GRM4: variants seen among roughly 807,000 people sequenced by gnomAD.
GRM4 encodes the protein metabotropic glutamate receptor 4.
GRM4 carries 28 observed loss-of-function variants against 81.7 expected under a neutral mutation model. The observed-to-expected ratio is 0.34, with a 90% CI of 0.25 to 0.47. GRM4 has a LOEUF of 0.47. GRM4 is among the 20% of genes least tolerant of loss of function. The pLI is 1.00. For missense variants in GRM4, 948 were observed against 1,290.0 expected, an observed-to-expected ratio of 0.73 and a Z score of 4.06; for synonymous variants, 488 against 528.8, an observed-to-expected ratio of 0.92 and a Z score of 1.06.
intron 3 of GRM4, among the ~76,000 whole-genome samples, chr6:34,085,835 G>A (rs1174612446): frequency 6.6e-6 from 1 of 152,314 alleles, no homozygotes; most frequent in South Asian, 2.1e-4. Context: ...GGAGGCAGGG[G>A]CTGTTTCAGA....
In GRM4 at chr6:34,035,658, C is replaced by A; in HGVS notation, c.2442+10G>T. On this transcript the variant is annotated intron_variant, in intron 9 of 10. Coordinates refer to ENST00000538487, the MANE Select transcript of GRM4 (RefSeq NM_000841.4). This position sits in a 1 kb window ranked among gnomAD's most constrained non-coding sequence, Gnocchi z 6.6. ...CTACCCACCGTCCACCCCCGGCCCC[C>A]ACCACTCACCTTGTCGGCCGACTGC... The A allele has an allele frequency of 6.5e-7, 1 of 1,545,146 alleles. No individual in the cohort carries two copies. Among genetic ancestry groups the A allele is most frequent in the South Asian group, 1.2e-5 (1 of 82,588 alleles).
chr6:34,066,559 C>T (rs1766476582), intron 3 of GRM4, among the ~76,000 whole-genome samples: 1 of 151,892 alleles, frequency 6.6e-6, no homozygotes, highest in Admixed American at 6.6e-5. Flanking sequence ...TTGTTTTCAT[C>T]ACACTCTTCC....
chr6:34,062,023 C>T lies in GRM4; in HGVS notation c.742G>A (p.Val248Met), dbSNP rs144674222. ...FIQKSREDGG[V>M]CIAQSVKIPR... Reference sequence around the variant, plus strand: ...ATCTTCACCGACTGGGCGATGCACACGCCCCCTGCAGGAGGGGCACCAGTT... The same window carrying T: ...ATCTTCACCGACTGGGCGATGCACATGCCCCCTGCAGGAGGGGCACCAGTT... Residue 248 changes from valine (V) to methionine (M), a missense_variant, in exon 4 of 11, where the codon GTG (valine) becomes ATG (methionine). Transcript: ENST00000538487. 104 of 1,609,348 alleles carry T rather than the reference C, an allele frequency of 6.5e-5. No individual in the cohort carries two copies. The highest frequency in any genetic ancestry group is 5.6e-4 in the South Asian group (51 of 90,632).
chr6:34,028,010 G>T, intron 10 of GRM4, 110 bp downstream of exon 10: 2 of 1,252,106 alleles, frequency 1.6e-6, no homozygotes, highest in African/African-American at 1.5e-5. Flanking sequence ...GCCTCCCCAG[G>T]ATGGGGCATC....
Position 34,152,823 on chromosome 6 carries a change from A to T in GRM4, c.312+2256T>A, listed in dbSNP as rs182574820. Among the ~76,000 whole-genome samples the T allele has an allele frequency of 5.5e-3, 839 of 152,032 alleles. 8 individuals are homozygous for T. Among genetic ancestry groups the T allele is most frequent in the African/African-American group, 0.015 (627 of 41,528 alleles). The stretch of plus-strand genomic sequence containing the variant: ...GGGTATGAGGCCCCCACAATGGAAG[A>T]CAAGGGGGACAGGCAGGAGCAAGGT... On this transcript the variant is annotated intron_variant, in intron 1 of 8. Coordinates refer to the GRM4 transcript ENST00000374177. This position sits in a 1 kb window ranked among gnomAD's most constrained non-coding sequence, Gnocchi z 4.1.
At position 34,036,123 on chromosome 6, in the gene GRM4, T is replaced by A; in HGVS notation, c.1987A>T (p.Met663Leu). The A allele has an allele frequency of 6.2e-7, 1 of 1,614,148 alleles. No individual in the cohort carries two copies. The highest frequency in any genetic ancestry group is 2.2e-5 in the East Asian group (1 of 44,880). The change falls in exon 9 of 11, where the codon ATG becomes TTG. Residue 663 changes from methionine (M) to leucine (L), a missense_variant. Transcript: ENST00000538487. This position sits in a 1 kb window ranked among gnomAD's most constrained non-coding sequence, Gnocchi z 9.0. ...SLRRIFLGLG[M>L]SISYAALLTK... is the part of the protein sequence containing the mutation. ...AGCAGGGCTGCATAGCTGATGCTCA[T>A]CCCTAGTCCCAGGAAGATTCGGCGC... is the stretch of plus-strand genomic sequence containing the variant.
upstream of GRM4, among the ~76,000 whole-genome samples, chr6:34,147,929 T>C (rs375328825): frequency 7.0e-6 from 1 of 142,062 alleles, no homozygotes; most frequent in Non-Finnish European, 1.5e-5. Context: ...AATGAATGAA[T>C]GAACTAATTA....
At position 34,092,686 on chromosome 6, in the gene GRM4, C is replaced by A. The variant is rs1012874197; in HGVS notation, c.520-587G>T. Among the ~76,000 whole-genome samples the A allele has an allele frequency of 2.0e-5, 3 of 152,120 alleles. No individual in the cohort carries two copies. Among genetic ancestry groups the A allele is most frequent in the African/African-American group, 7.2e-5 (3 of 41,420 alleles). ...CTAGTGGGGTGGGCTTCAGGAATTC[C>A]CTTCTCTCTGGAGCTGGGGACACTG... On this transcript the variant is annotated intron_variant, in intron 2 of 10. Coordinates refer to ENST00000538487, the MANE Select transcript of GRM4 (RefSeq NM_000841.4). The surrounding 1 kb of genome is among the most constrained non-coding windows in gnomAD (Gnocchi z 6.8).
chr6:34,066,532 G>C (rs931458456), intron 3 of GRM4, among the ~76,000 whole-genome samples: 12 of 151,938 alleles, frequency 7.9e-5, no homozygotes, highest in African/African-American at 2.9e-4. Context: ...CTGCATGAGG[G>C]CGGGAGACTT....
chr6:34,148,146 T>A (rs1275055510), upstream of GRM4, among the ~76,000 whole-genome samples: 1 of 151,394 alleles, frequency 6.6e-6, no homozygotes, highest in Non-Finnish European at 1.5e-5. Flanking sequence ...TGGCTGAGTT[T>A]GTGGACTCGT....
At chr6:34,154,260 C>CA (rs1771101943) in intron 1 of GRM4, among the ~76,000 whole-genome samples, 1 of 152,214 alleles carries the variant, frequency 6.6e-6, no homozygotes, top group African/African-American at 2.4e-5. Flanking sequence ...TCCCCGCACA[C>CA]ACCTCCCCTC....
At position 34,022,504 on chromosome 6, in the gene GRM4, G is replaced by A. The variant is rs1016359003; in HGVS notation, c.*317C>T. On this transcript the variant is annotated 3_prime_UTR_variant, in exon 11 of 11. Transcript: ENST00000538487. The surrounding 1 kb of genome is among the most constrained non-coding windows in gnomAD (Gnocchi z 5.6). ...GGTCGCCAACAGCACAGACAGAGAC[G>A]AAGGGAGGGAGAGATCTAGCACTGG... 4.6e-5 allele frequency: 19 copies of A among 411,554 alleles called. No homozygotes were observed. The highest frequency in any genetic ancestry group is 6.7e-5 in the Non-Finnish European group (15 of 225,292). The allele number at this position is 411,554 out of a possible 1,614,324, so 25.5% of individuals were successfully genotyped here. A position where few individuals can be genotyped will look rare whatever the true frequency, so the allele number is the denominator to read the frequency against.
chr6:34,075,763 G>A (rs946604896), intron 3 of GRM4, among the ~76,000 whole-genome samples: 2 of 152,212 alleles, frequency 1.3e-5, no homozygotes, highest in Non-Finnish European at 2.9e-5. Context: ...TAGTGCTCAG[G>A]AAGTGTTTAT....
At chr6:34,072,130 C>T (rs1340443495) in intron 3 of GRM4, among the ~76,000 whole-genome samples, 5 of 128,772 alleles carry the variant, frequency 3.9e-5, no homozygotes, top group African/African-American at 1.4e-4. Flanking sequence ...CACATAGACA[C>T]ACATCACCAC....
intron 1 of GRM4, among the ~76,000 whole-genome samples, chr6:34,151,365 T>C (rs112994149): frequency 0.019 from 2,880 of 152,332 alleles, 67 homozygotes; most frequent in African/African-American, 0.051. Context: ...ACTCACGATT[T>C]TCCAGCCTCT....
intron 2 of GRM4, among the ~76,000 whole-genome samples, chr6:34,106,425 A>AAAAG (rs1262651639): frequency 6.6e-6 from 1 of 151,010 alleles, no homozygotes; most frequent in South Asian, 2.1e-4. Flanking sequence ...AAAAAAAAAA[A>AAAAG]AAAGAAAGAA....
At chr6:34,044,665 T>C (rs1195523324) in intron 6 of GRM4, among the ~76,000 whole-genome samples, 3 of 111,110 alleles carry the variant, frequency 2.7e-5, no homozygotes, top group African/African-American at 4.6e-5. Context: ...TACACATATA[T>C]ACACAGACAC....
At chr6:34,096,591 A>G (rs977578834) in intron 2 of GRM4, among the ~76,000 whole-genome samples, 3 of 152,264 alleles carry the variant, frequency 2.0e-5, no homozygotes, top group African/African-American at 7.2e-5. Context: ...ACACTAGTCA[A>G]TACCCACTGC....
In GRM4 at chr6:34,019,651, G is replaced by GTT. The variant is rs1188148648; in HGVS notation, c.*3169_*3170insAA. 6.6e-6 allele frequency: 1 copy of GTT among 152,190 alleles called. No homozygotes were observed. The highest frequency in any genetic ancestry group is 1.5e-5 in the Non-Finnish European group (1 of 68,054). The allele number at this position is 152,190 out of a possible 1,614,324, so 9.4% of individuals were successfully genotyped here. On this transcript the variant is annotated 3_prime_UTR_variant, in exon 11 of 11. Coordinates refer to ENST00000538487, the MANE Select transcript of GRM4 (RefSeq NM_000841.4). ...AGACATTGAGGAGGCTGAGGCCACG[G>GTT]GGGTGAGCACATACCCCCTGCACAC... is the stretch of plus-strand genomic sequence containing the variant.
Sources: gnomAD v4.1 joint callset for allele counts (sites outside exome capture counted in the v4.1 genomes callset) on GRCh38, gnomAD v4.1.1 for gene constraint, Gnocchi (gnomAD v3.1) non-coding constraint, MANE v1.5 for transcripts, NCBI Gene and HGNC (gene_info 2026-07-23, HGNC 2026-07-21) for gene names.